IL1R1: variants seen among roughly 807,000 people sequenced by gnomAD.
IL1R1 encodes the protein interleukin 1 receptor type 1, also known as interleukin-1 receptor type 1.
IL1R1 carries 22 observed loss-of-function variants against 50.2 expected under a neutral mutation model. The observed-to-expected ratio is 0.44, with a 90% CI of 0.31 to 0.63. IL1R1 has a LOEUF of 0.63. Ranked by LOEUF, IL1R1 falls within the 20% of genes least tolerant of loss-of-function variation. The pLI is 0.07. For missense variants in IL1R1, 509 were observed against 676.2 expected, an observed-to-expected ratio of 0.75 and a Z score of 2.74; for synonymous variants, 251 against 236.7, an observed-to-expected ratio of 1.06 and a Z score of -0.55.
chr2:102,149,635 G>A (rs1179766523), intron 1 of IL1R1, among the ~76,000 whole-genome samples: 1 of 152,076 alleles, frequency 6.6e-6, no homozygotes, highest in Non-Finnish European at 1.5e-5. Context: ...AAACACCCTG[G>A]ACCCTAATTC....
intron 1 of IL1R1, among the ~76,000 whole-genome samples, chr2:102,146,149 G>T (rs1414720822): frequency 6.6e-6 from 1 of 151,984 alleles, no homozygotes; most frequent in Non-Finnish European, 1.5e-5. Flanking sequence ...TAGCCATGCT[G>T]GTCTCTGCAC....
chr2:102,089,128 C>A (rs1006603533), intron 1 of IL1R1, among the ~76,000 whole-genome samples: 2 of 152,196 alleles, frequency 1.3e-5, no homozygotes, highest in African/African-American at 4.8e-5. Context: ...TTTGCACTCA[C>A]AACTTTTCTA....
intron 1 of IL1R1, among the ~76,000 whole-genome samples, chr2:102,120,386 T>C (rs1425585236): frequency 6.6e-6 from 1 of 152,164 alleles, no homozygotes; most frequent in African/African-American, 2.4e-5. Flanking sequence ...GTTGCATGAA[T>C]GTGTGTCGTG....
At chr2:102,130,239 C>T (rs1049844201) in intron 1 of IL1R1, among the ~76,000 whole-genome samples, 6 of 152,200 alleles carry the variant, frequency 3.9e-5, no homozygotes, top group African/African-American at 1.4e-4. Flanking sequence ...CTTGAAGACT[C>T]TGAAAGGATC....
At chr2:102,084,254 G>C (rs1044724897) in intron 1 of IL1R1, among the ~76,000 whole-genome samples, 3 of 152,122 alleles carry the variant, frequency 2.0e-5, no homozygotes, top group Non-Finnish European at 4.4e-5. Flanking sequence ...TTTCCTCCTT[G>C]GTTCCCAGGA....
intron 1 of IL1R1, among the ~76,000 whole-genome samples, chr2:102,118,592 C>G (rs1028971220): frequency 2.0e-5 from 3 of 152,164 alleles, no homozygotes; most frequent in African/African-American, 7.2e-5. Context: ...GAGGTCTGTG[C>G]TAACTCCAGT....
upstream of IL1R1, among the ~76,000 whole-genome samples, chr2:102,137,800 C>A (rs948335743): frequency 2.2e-4 from 33 of 152,056 alleles, no homozygotes; most frequent in African/African-American, 8.0e-4. Flanking sequence ...CTTTAGTTTA[C>A]CACATTGATC....
intron 1 of IL1R1, among the ~76,000 whole-genome samples, chr2:102,126,747 C>G (rs567543747): frequency 8.5e-5 from 13 of 152,136 alleles, no homozygotes; most frequent in Admixed American, 3.3e-4. Flanking sequence ...ATAGCTAATT[C>G]CCAGGCACTG....
intron 1 of IL1R1, among the ~76,000 whole-genome samples, chr2:102,147,256 A>G (rs1683218789): frequency 6.6e-6 from 1 of 152,226 alleles, no homozygotes; most frequent in East Asian, 1.9e-4. Flanking sequence ...CAATATGGTG[A>G]AAAATATTTA....
In IL1R1 at chr2:102,155,133, T is replaced by C. The variant is rs1443577451; in HGVS notation, c.-7+1116T>C. 2.6e-5 allele frequency among the ~76,000 whole-genome samples: 4 copies of C among 152,248 alleles called. No individual in the cohort carries two copies. The South Asian group carries it at 6.2e-4, about 24-fold the overall frequency. ...ATGCAGCAGTGAGTGAATAAAGACA[T>C]GAATGGTTAACTGAAAACATTTTAT... On this transcript the variant is annotated intron_variant, in intron 2 of 11. Coordinates refer to ENST00000410023, the MANE Select transcript of IL1R1 (RefSeq NM_000877.4).
At position 102,096,361 on chromosome 2, in the gene IL1R1, G is replaced by A. The variant is rs990937106; in HGVS notation, c.-84+25828G>A. Among the ~76,000 whole-genome samples, 9 of 152,280 alleles carry A rather than the reference G, an allele frequency of 5.9e-5. No individual in the cohort carries two copies. The South Asian group carries it at 1.4e-3, about 25-fold the overall frequency. ...AGTGATTTATATCACATCAAACAGA[G>A]TTTCTACTTGTTGCCAACATCTGGT... On this transcript the variant is annotated intron_variant, in intron 1 of 11. Transcript: ENST00000409929.
intron 1 of IL1R1, among the ~76,000 whole-genome samples, chr2:102,132,991 T>A (rs559037515): frequency 6.7e-6 from 1 of 149,310 alleles, no homozygotes; most frequent in South Asian, 2.1e-4. Context: ...ACACCTGTAA[T>A]CCTAGCACTT....
At chr2:102,173,856 G>A (rs142214271) in intron 9 of IL1R1, among the ~76,000 whole-genome samples, 1 of 152,276 alleles carries the variant, frequency 6.6e-6, no homozygotes, top group Non-Finnish European at 1.5e-5. Context: ...TATTACTACA[G>A]ACATCATGAT....
At chr2:102,095,289 G>A (rs1679849105) in intron 1 of IL1R1, among the ~76,000 whole-genome samples, 1 of 152,198 alleles carries the variant, frequency 6.6e-6, no homozygotes, top group Non-Finnish European at 1.5e-5. Flanking sequence ...AGATTGCAGT[G>A]ATGATAAAGA....
At chr2:102,080,912 T>C (rs1410195949) in intron 1 of IL1R1, among the ~76,000 whole-genome samples, 3 of 152,282 alleles carry the variant, frequency 2.0e-5, no homozygotes, top group South Asian at 4.1e-4. Flanking sequence ...CAGTACAACA[T>C]AGAGGAACCT....
At chr2:102,082,110 G>A (rs987328706) in intron 1 of IL1R1, among the ~76,000 whole-genome samples, 9 of 151,954 alleles carry the variant, frequency 5.9e-5, no homozygotes, top group Non-Finnish European at 1.3e-4. Context: ...TCATTTCCTC[G>A]TCCTCCCTTT....
At chr2:102,080,977 A>G (rs1679182239) in intron 1 of IL1R1, among the ~76,000 whole-genome samples, 1 of 152,218 alleles carries the variant, frequency 6.6e-6, no homozygotes. Flanking sequence ...CACATTGTAT[A>G]ATTCCATTTA....
chr2:102,102,605 G>T (rs1444137906), upstream of IL1R1, among the ~76,000 whole-genome samples: 1 of 152,110 alleles, frequency 6.6e-6, no homozygotes, highest in Non-Finnish European at 1.5e-5. Context: ...TTTGGTGATT[G>T]CTCAAAGAAC....
In IL1R1 at chr2:102,137,668, A is replaced by G. The variant is rs544008313; in HGVS notation, c.-83-16273A>G. On this transcript the variant is annotated intron_variant, in intron 1 of 10. Transcript: ENST00000409329. ...TTGAGCTCAGAAATCCCAGAAAGTC[A>G]ATTCCACCATATTCTATTGGTTGAA... Among the ~76,000 whole-genome samples, 3 of 152,340 alleles carry G rather than the reference A, an allele frequency of 2.0e-5. No homozygotes were observed. In the East Asian group the frequency reaches 5.8e-4, roughly 29 times the overall value.
Sources: allele counts gnomAD v4.1 joint callset (sites outside exome capture counted in the v4.1 genomes callset), GRCh38; gene constraint gnomAD v4.1.1; transcripts MANE v1.5; gene names NCBI Gene and HGNC (gene_info 2026-07-23, HGNC 2026-07-21).